EPHA3: variants seen among roughly 807,000 people sequenced by gnomAD.
EPHA3 encodes the protein ephrin type-A receptor 3.
EPHA3 carries 42 observed loss-of-function variants against 107.1 expected under a neutral mutation model. That is an observed-to-expected ratio of 0.39 (90% CI 0.31 to 0.51). The LOEUF (loss-of-function observed/expected upper bound fraction) is 0.51. EPHA3 is among the 20% of genes least tolerant of loss of function. The pLI is 0.78. For synonymous variants in EPHA3, 461 were observed against 424.8 expected, an observed-to-expected ratio of 1.09 and a Z score of -1.05; for missense variants, 1,183 against 1,211.2, an observed-to-expected ratio of 0.98 and a Z score of 0.35.
chr3:89,430,870 G>GT (rs1302442161), intron 12 of EPHA3, among the ~76,000 whole-genome samples: 1 of 152,192 alleles, frequency 6.6e-6, no homozygotes, highest in South Asian at 2.1e-4. Context: ...GCAGGAGTTA[G>GT]TTTTTTTGTC....
chr3:89,476,612 TA>T (rs1559710451), intron 16 of EPHA3, among the ~76,000 whole-genome samples: 4 of 146,578 alleles, frequency 2.7e-5, no homozygotes, highest in South Asian at 2.1e-4. Context: ...TTTATTTATT[TA>T]TTTAATTTTT....
At chr3:89,321,683 T>A (rs1365613333) in intron 3 of EPHA3, among the ~76,000 whole-genome samples, 1 of 152,098 alleles carries the variant, frequency 6.6e-6, no homozygotes, top group Non-Finnish European at 1.5e-5. Context: ...AGAGCATATT[T>A]AGAATTATAA....
chr3:89,214,293 C>T (rs1704174738), intron 3 of EPHA3, among the ~76,000 whole-genome samples: 1 of 151,942 alleles, frequency 6.6e-6, no homozygotes, highest in African/African-American at 2.4e-5. Flanking sequence ...TTCAAAATGG[C>T]CAGTGGATGT....
chr3:89,282,399 A>G (rs879300954), intron 3 of EPHA3, among the ~76,000 whole-genome samples: 2 of 152,112 alleles, frequency 1.3e-5, no homozygotes, highest in Non-Finnish European at 2.9e-5. Flanking sequence ...TTGTTGATTA[A>G]TCATAAGTAC....
Position 89,153,258 on chromosome 3 carries a change from C to T in EPHA3, c.153+25985C>T, listed in dbSNP as rs186807554. ...AAGATGAGAATGTTTCATATATTTA[C>T]TTCACTTAAGATACTATGCTCTCCT... On this transcript the variant is annotated intron_variant, in intron 2 of 16. Coordinates refer to ENST00000336596, the MANE Select transcript of EPHA3 (RefSeq NM_005233.6). Among the ~76,000 whole-genome samples, 246 of 152,154 alleles carry T rather than the reference C, an allele frequency of 1.6e-3. 6 individuals carry two copies. The highest frequency in any genetic ancestry group is 0.015 in the Admixed American group (228 of 15,248).
intron 2 of EPHA3, among the ~76,000 whole-genome samples, chr3:89,197,266 G>A (rs368719717): frequency 1.3e-5 from 2 of 152,022 alleles, no homozygotes; most frequent in African/African-American, 4.8e-5. Flanking sequence ...GTTTTATTTA[G>A]CAGGTAACAA....
chr3:89,425,765 CTA>C (rs1709442992), intron 11 of EPHA3, among the ~76,000 whole-genome samples: 1 of 151,432 alleles, frequency 6.6e-6, no homozygotes, highest in Non-Finnish European at 1.5e-5. Flanking sequence ...TTATTCTACT[CTA>C]TAAGAAATGT....
chr3:89,255,409 C>A (rs1327345549), intron 3 of EPHA3, among the ~76,000 whole-genome samples: 2 of 152,198 alleles, frequency 1.3e-5, no homozygotes, highest in African/African-American at 2.4e-5. Flanking sequence ...CCTAGCAGGC[C>A]AAATTCTGCC....
intron 15 of EPHA3, among the ~76,000 whole-genome samples, chr3:89,468,833 G>T (rs1225438564): frequency 6.6e-6 from 1 of 152,044 alleles, no homozygotes; most frequent in Non-Finnish European, 1.5e-5. Context: ...CATGAATATT[G>T]TGTACATTTT....
At chr3:89,354,558 A>G (rs73846147) in intron 5 of EPHA3, among the ~76,000 whole-genome samples, 5,856 of 151,180 alleles carry the variant, frequency 0.039, 414 homozygotes, top group African/African-American at 0.13. Flanking sequence ...TACAAAGACT[A>G]TGACTATGAG....
intron 1 of EPHA3, among the ~76,000 whole-genome samples, chr3:89,126,505 G>A (rs1266111106): frequency 6.6e-6 from 1 of 151,350 alleles, no homozygotes; most frequent in Non-Finnish European, 1.5e-5. Context: ...TACAAATATC[G>A]ATTAAAAGTC....
intron 12 of EPHA3, 46 bp downstream of exon 12, chr3:89,429,213 A>G (rs1709514151): frequency 6.8e-7 from 1 of 1,460,114 alleles, no homozygotes; most frequent in South Asian, 1.2e-5. Context: ...AAATTGCTGA[A>G]AACATTAGAG....
chr3:89,130,277 A>G lies in EPHA3; in HGVS notation c.153+3004A>G, dbSNP rs1206815259. On this transcript the variant is annotated intron_variant, in intron 2 of 16. Coordinates refer to ENST00000336596, the MANE Select transcript of EPHA3 (RefSeq NM_005233.6). Reference sequence around the variant, plus strand: ...GAAACTCTTACTTAGGGGATTAATAATAGCATTCCATCAGGAAATGTCCAT... The same window carrying G: ...GAAACTCTTACTTAGGGGATTAATAGTAGCATTCCATCAGGAAATGTCCAT... Among the ~76,000 whole-genome samples, 9 of 152,208 alleles carry G rather than the reference A, an allele frequency of 5.9e-5. No homozygotes were observed. In the South Asian group the frequency reaches 1.2e-3, roughly 21 times the overall value.
At chr3:89,148,825 T>C (rs1172878263) in intron 2 of EPHA3, among the ~76,000 whole-genome samples, 1 of 152,050 alleles carries the variant, frequency 6.6e-6, no homozygotes, top group Non-Finnish European at 1.5e-5. Flanking sequence ...TTGCACCATC[T>C]TCCGCCATTC....
chr3:89,252,522 G>T (rs1705187716), intron 3 of EPHA3, among the ~76,000 whole-genome samples: 1 of 152,012 alleles, frequency 6.6e-6, no homozygotes, highest in East Asian at 1.9e-4. Flanking sequence ...CTTACCCCAG[G>T]GGTTCAAAAC....
intron 15 of EPHA3, among the ~76,000 whole-genome samples, chr3:89,453,641 C>G (rs1302935244): frequency 1.3e-5 from 2 of 152,126 alleles, no homozygotes; most frequent in Non-Finnish European, 2.9e-5. Context: ...TTTTTAACAA[C>G]CTCACATTAC....
At chr3:89,292,663 C>T (rs1434193777) in intron 3 of EPHA3, among the ~76,000 whole-genome samples, 10 of 152,150 alleles carry the variant, frequency 6.6e-5, no homozygotes, top group Non-Finnish European at 1.0e-4. Context: ...CATATCAATT[C>T]AGAACCCTAT....
At chr3:89,400,013 G>T (rs1439041821) in intron 7 of EPHA3, 1 of 1,039,334 alleles carries the variant, frequency 9.6e-7, no homozygotes, top group East Asian at 5.9e-5. Flanking sequence ...GGCTAAAATT[G>T]GCCTAAAACT....
At chr3:89,181,501 A>T (rs1705441712) in intron 2 of EPHA3, among the ~76,000 whole-genome samples, 1 of 151,962 alleles carries the variant, frequency 6.6e-6, no homozygotes, top group Admixed American at 6.6e-5. Context: ...TCAGAAGGTG[A>T]TGCAGCCAAA....
Sources: gnomAD v4.1 joint callset for allele counts (sites outside exome capture counted in the v4.1 genomes callset) on GRCh38, gnomAD v4.1.1 for gene constraint, MANE v1.5 for transcripts, NCBI Gene and HGNC (gene_info 2026-07-23, HGNC 2026-07-21) for gene names.